Variants in BBS9 observed in about 807,000 individuals in gnomAD.
BBS9 encodes the protein Bardet-Biedl syndrome 9.
Under a neutral mutation model 117.7 loss-of-function variants are expected in BBS9, and 89 were observed. That is an observed-to-expected ratio of 0.76 (90% CI 0.64 to 0.90). The LOEUF (loss-of-function observed/expected upper bound fraction) is 0.90, where lower values mean the gene tolerates loss of function less well. Among genes scored for constraint, BBS9 ranks in the 40% least tolerant of loss-of-function variants. The probability of loss-of-function intolerance (pLI) is 0.00; values close to 1 mark genes in which losing one functional copy is unlikely to be tolerated. For missense variants in BBS9, 982 were observed against 1,042.2 expected (o/e 0.94, Z 0.80); for synonymous variants, 379 against 370.9 (o/e 1.02, Z -0.25).
At chr7:33,633,510 C>CTTTCTT (rs1562547870) in intron 21 of BBS9, among the ~76,000 whole-genome samples, 1 of 98,462 alleles carries the variant, frequency 1.0e-5, no homozygotes, top group Non-Finnish European at 2.1e-5. Context: ...TAACTTTTTT[C>CTTTCTT]TTTTTTTTTT....
intron 19 of BBS9, among the ~76,000 whole-genome samples, chr7:33,488,587 T>A (rs942685707): frequency 6.6e-6 from 1 of 152,170 alleles, no homozygotes; most frequent in Non-Finnish European, 1.5e-5. Context: ...GGGTTAGGAT[T>A]AGATGATTTT....
chr7:33,519,746 C>T (rs1848329605), intron 20 of BBS9, among the ~76,000 whole-genome samples: 1 of 152,134 alleles, frequency 6.6e-6, no homozygotes. Context: ...GGAGCCTAAG[C>T]AGATCTAATG....
chr7:33,442,247 A>G (rs947624892), intron 19 of BBS9, among the ~76,000 whole-genome samples: 3 of 152,144 alleles, frequency 2.0e-5, no homozygotes, highest in Non-Finnish European at 4.4e-5. Context: ...AGTTGAATCC[A>G]TGAACACTTG....
At chr7:33,573,947 G>A (rs775410712) in intron 21 of BBS9, among the ~76,000 whole-genome samples, 3 of 152,078 alleles carry the variant, frequency 2.0e-5, no homozygotes, top group Admixed American at 2.0e-4. Context: ...TAGTGGTGGC[G>A]CTGCTATCTT....
intron 21 of BBS9, among the ~76,000 whole-genome samples, chr7:33,536,642 A>G (rs879786989): frequency 2.1e-5 from 1 of 47,848 alleles, no homozygotes; most frequent in South Asian, 4.6e-4. Context: ...GTTTTTAACC[A>G]GAGCCTCCTC....
chr7:33,527,760 C>G (rs140409029), intron 20 of BBS9, among the ~76,000 whole-genome samples: 1 of 152,208 alleles, frequency 6.6e-6, no homozygotes, highest in Admixed American at 6.5e-5. Context: ...ATTTGGCCAT[C>G]TTGGCTCCTC....
At chr7:33,525,020 C>A (rs1425382605) in intron 20 of BBS9, among the ~76,000 whole-genome samples, 3 of 152,034 alleles carry the variant, frequency 2.0e-5, no homozygotes, top group African/African-American at 7.2e-5. Context: ...AGTAGTCATT[C>A]AGGAGCAGGT....
chr7:33,522,268 C>T (rs1257535842), intron 20 of BBS9, among the ~76,000 whole-genome samples: 3 of 152,050 alleles, frequency 2.0e-5, no homozygotes, highest in Non-Finnish European at 4.4e-5. Flanking sequence ...ACCCAGTAAT[C>T]GGATTGTTGG....
chr7:33,444,011 G>C (rs1280816268), intron 19 of BBS9, among the ~76,000 whole-genome samples: 1 of 152,164 alleles, frequency 6.6e-6, no homozygotes, highest in East Asian at 1.9e-4. Context: ...ACCTCCTCAG[G>C]TTTGAAGGAT....
chr7:33,370,016 C>G (rs571418836), intron 17 of BBS9, among the ~76,000 whole-genome samples: 75 of 152,126 alleles, frequency 4.9e-4, no homozygotes, highest in Non-Finnish European at 9.6e-4. Flanking sequence ...TCAACCAAGC[C>G]TTCATGTATG....
At chr7:33,304,525 G>A (rs1807433539) in intron 9 of BBS9, among the ~76,000 whole-genome samples, 1 of 151,996 alleles carries the variant, frequency 6.6e-6, no homozygotes, top group Non-Finnish European at 1.5e-5. Context: ...GATCTGAGGA[G>A]CGTCTCTCCT....
intron 19 of BBS9, among the ~76,000 whole-genome samples, chr7:33,443,359 A>G (rs1029120235): frequency 1.3e-5 from 2 of 152,124 alleles, no homozygotes; most frequent in Non-Finnish European, 2.9e-5. Flanking sequence ...TAGCTAGTGG[A>G]GGACTAATTT....
At chr7:33,401,014 A>G (rs1828825725) in intron 19 of BBS9, among the ~76,000 whole-genome samples, 1 of 152,238 alleles carries the variant, frequency 6.6e-6, no homozygotes, top group South Asian at 2.1e-4. Context: ...ATGCTCCCAG[A>G]TGGGCCACCT....
chr7:33,532,086 C>G (rs984702787), intron 20 of BBS9, among the ~76,000 whole-genome samples: 3 of 152,250 alleles, frequency 2.0e-5, no homozygotes, highest in African/African-American at 7.2e-5. Flanking sequence ...GTGACAAGAG[C>G]TATGATGCAT....
chr7:33,149,473 T>C (rs1315621852), intron 2 of BBS9, among the ~76,000 whole-genome samples: 1 of 152,174 alleles, frequency 6.6e-6, no homozygotes, highest in Non-Finnish European at 1.5e-5. Flanking sequence ...GATAGTACAA[T>C]TGAAATTGAA....
chr7:33,590,816 A>G (rs1449536566), intron 21 of BBS9, among the ~76,000 whole-genome samples: 2 of 151,994 alleles, frequency 1.3e-5, no homozygotes, highest in Non-Finnish European at 2.9e-5. Context: ...TTTACAAATA[A>G]GGAAATTGAA....
At chr7:33,141,293 G>C (rs1473309721) in intron 1 of BBS9, among the ~76,000 whole-genome samples, 1 of 152,142 alleles carries the variant, frequency 6.6e-6, no homozygotes, top group African/African-American at 2.4e-5. Flanking sequence ...GTGTTGGCAG[G>C]TGTCTGTAAT....
At chr7:33,564,508 A>G (rs555196226) in intron 21 of BBS9, among the ~76,000 whole-genome samples, 5 of 152,318 alleles carry the variant, frequency 3.3e-5, no homozygotes, top group South Asian at 4.1e-4. Context: ...AAGATAATGC[A>G]TGGAAGACAC....
intron 5 of BBS9, 63 bp downstream of exon 5, chr7:33,177,654 TA>T: frequency 8.5e-7 from 1 of 1,181,336 alleles, no homozygotes; most frequent in Non-Finnish European, 1.3e-6. Context: ...TTTGGTCATA[TA>T]AAACAGAGGA....
Sources: allele counts gnomAD v4.1 joint callset (sites outside exome capture counted in the v4.1 genomes callset), GRCh38; gene constraint gnomAD v4.1.1; transcripts MANE v1.5; gene names NCBI Gene and HGNC (gene_info 2026-07-23, HGNC 2026-07-21).